DIP2C: variants seen among roughly 807,000 people sequenced by gnomAD.
DIP2C encodes the protein DIP2 acetate--CoA ligase C (putative).
DIP2C carries 33 observed loss-of-function variants against 192.4 expected under a neutral mutation model. The ratio of observed to expected loss-of-function variants is 0.17; its 90% CI spans 0.13 to 0.23. DIP2C has a LOEUF of 0.23. Among genes scored for constraint, DIP2C ranks in the 10% least tolerant of loss-of-function variants. The pLI is 1.00. For missense variants in DIP2C, 1,537 were observed against 2,110.1 expected (o/e 0.73, Z 5.32); for synonymous variants, 979 against 864.1 (o/e 1.13, Z -2.33).
intron 1 of DIP2C, among the ~76,000 whole-genome samples, chr10:548,170 G>A (rs1481143294): frequency 1.4e-5 from 2 of 146,940 alleles, no homozygotes; most frequent in African/African-American, 2.5e-5. Flanking sequence ...AGGATTCCTG[G>A]AAGCACCTTT....
At chr10:465,014 G>A (rs902072172) in intron 3 of DIP2C, among the ~76,000 whole-genome samples, 3 of 149,418 alleles carry the variant, frequency 2.0e-5, no homozygotes, top group East Asian at 2.0e-4. Context: ...AGAAAAAGAG[G>A]GAATCCTCCC....
intron 10 of DIP2C, among the ~76,000 whole-genome samples, chr10:396,191 A>C (rs1695407924): frequency 6.6e-6 from 1 of 152,222 alleles, no homozygotes; most frequent in Non-Finnish European, 1.5e-5. Flanking sequence ...AAGGTACTTA[A>C]TTCATTATTT....
rs145261695 is a variant in DIP2C, at chr10:565,382, AAC to A, written c.86-78854_86-78853del. 1.6e-3 allele frequency among the ~76,000 whole-genome samples: 241 copies of A among 151,402 alleles called. 2 individuals carry two copies. Among genetic ancestry groups the A allele is most frequent in the African/African-American group, 5.1e-3 (210 of 41,056 alleles). ...AAAAAAAAAAAAAAAGACCTAGACA[AAC>A]ACACACAACCCCATAATGCAGAGTC... On this transcript the variant is annotated intron_variant, in intron 1 of 36. Transcript: ENST00000280886.
At position 347,815 on chromosome 10, in the gene DIP2C, A is replaced by G. The variant is rs12781766; in HGVS notation, c.3231+826T>C. 5.4e-4 allele frequency among the ~76,000 whole-genome samples: 71 copies of G among 131,004 alleles called. 1 individual carries two copies. Among genetic ancestry groups the G allele is most frequent in the South Asian group, 7.8e-4 (3 of 3,866 alleles). The allele number at this position is 131,004 out of a possible 152,430, so 85.9% of individuals were successfully genotyped here. A position where few individuals can be genotyped will look rare whatever the true frequency, so the allele number is the denominator to read the frequency against. On this transcript the variant is annotated intron_variant, in intron 26 of 36. Transcript: ENST00000280886. ...CCGGAAACCCCACACTCACCCAGAC[A>G]CATCGCGCATAGCTCTCCTGGAAAC...
At chr10:618,590 G>C (rs946473456) in intron 1 of DIP2C, among the ~76,000 whole-genome samples, 1 of 60,278 alleles carries the variant, frequency 1.7e-5, no homozygotes, top group Non-Finnish European at 6.9e-5. Flanking sequence ...TATGAATTTA[G>C]TCATGACTAC....
intron 17 of DIP2C, among the ~76,000 whole-genome samples, chr10:376,574 T>TTA (rs397732301): frequency 1.1e-4 from 16 of 149,420 alleles, no homozygotes; most frequent in Non-Finnish European, 2.1e-4. Flanking sequence ...TTTTTTTTTT[T>TTA]AAACAGGGCA....
chr10:362,777 A>G, intron 21 of DIP2C, 86 bp from the exon 22 acceptor site: 14 of 1,395,534 alleles, frequency 1.0e-5, no homozygotes, highest in Non-Finnish European at 1.4e-5. Context: ...GATCCACAAT[A>G]CACAGAAGTC....
rs10636550 is a variant in DIP2C at position 532,542 on chromosome 10, T to TGAGAGAGA, written c.86-46013_86-46012insTCTCTCTC. 1.4e-3 allele frequency among the ~76,000 whole-genome samples: 183 copies of TGAGAGAGA among 134,274 alleles called. 15 individuals are homozygous for TGAGAGAGA. The highest frequency in any genetic ancestry group is 5.2e-3 in the African/African-American group (178 of 34,454). The allele number at this position is 134,274 out of a possible 152,430, so 88.1% of individuals were successfully genotyped here. On this transcript the variant is annotated intron_variant, in intron 1 of 36. Coordinates refer to ENST00000280886, the MANE Select transcript of DIP2C (RefSeq NM_014974.3). ...GTGTGGGTGTGTGAGAGAGTATGGG[T>TGAGAGAGA]GTGAGAGAGTATGGGTGAGAGAGAG...
At chr10:633,546 C>T (rs1020641208) in intron 1 of DIP2C, among the ~76,000 whole-genome samples, 6 of 152,224 alleles carry the variant, frequency 3.9e-5, no homozygotes, top group African/African-American at 7.2e-5. Context: ...ATTCCTCTCT[C>T]GGCCCATCCT....
chr10:608,216 C>T (rs1401384895), intron 1 of DIP2C, among the ~76,000 whole-genome samples: 1 of 35,480 alleles, frequency 2.8e-5, no homozygotes, highest in Non-Finnish European at 4.3e-5. Context: ...ACACAGCCCC[C>T]CCACACACAC....
At chr10:361,393 GCT>G (rs1959485361) in intron 22 of DIP2C, among the ~76,000 whole-genome samples, 2 of 152,248 alleles carry the variant, frequency 1.3e-5, no homozygotes, top group African/African-American at 4.8e-5. Flanking sequence ...GCTGCTGGCT[GCT>G]CTCTCTCGCC....
In DIP2C at chr10:285,853, T is replaced by C. The variant is rs1245688646; in HGVS notation, c.4119+420A>G. Among the ~76,000 whole-genome samples, 4 of 152,248 alleles carry C rather than the reference T, an allele frequency of 2.6e-5. No homozygotes were observed. In the East Asian group the frequency reaches 7.7e-4, roughly 29 times the overall value. On this transcript the variant is annotated intron_variant, in intron 34 of 36. Transcript: ENST00000280886. Reference sequence around the variant, plus strand: ...TGCTTTCTGATCTGAAATAAACACATGATCTCTTGGCTACTGTGTCCTGAT... The same window carrying C: ...TGCTTTCTGATCTGAAATAAACACACGATCTCTTGGCTACTGTGTCCTGAT...
intron 17 of DIP2C, among the ~76,000 whole-genome samples, chr10:377,147 T>TG (rs1961702287): frequency 6.6e-6 from 1 of 151,912 alleles, no homozygotes; most frequent in South Asian, 2.1e-4. Flanking sequence ...CGCAGTTTTT[T>TG]TTTTTTTTTT....
At chr10:371,866 T>TAC (rs1961003878) in intron 17 of DIP2C, among the ~76,000 whole-genome samples, 1 of 152,206 alleles carries the variant, frequency 6.6e-6, no homozygotes, top group Non-Finnish European at 1.5e-5. Context: ...CAGTGTGTGG[T>TAC]ACTTTGTTAC....
chr10:634,888 C>A (rs1293892007), intron 1 of DIP2C, among the ~76,000 whole-genome samples: 3 of 152,206 alleles, frequency 2.0e-5, no homozygotes, highest in Non-Finnish European at 4.4e-5. Context: ...AACATTCTGT[C>A]CTCACCGATC....
At chr10:603,327 AAAAAAAC>A (rs1232638546) in intron 1 of DIP2C, among the ~76,000 whole-genome samples, 73 of 136,026 alleles carry the variant, frequency 5.4e-4, no homozygotes, top group African/African-American at 2.0e-3. Context: ...AAAAAAAAAA[AAAAAAAC>A]CAACCATGAG....
intron 13 of DIP2C, among the ~76,000 whole-genome samples, chr10:388,664 G>A (rs1963183564): frequency 6.6e-6 from 1 of 152,208 alleles, no homozygotes; most frequent in Admixed American, 6.5e-5. Flanking sequence ...AAAACTCCAT[G>A]GCCAAACATC....
chr10:562,121 T>A (rs1849251567), intron 1 of DIP2C, among the ~76,000 whole-genome samples: 2 of 152,224 alleles, frequency 1.3e-5, no homozygotes, highest in Non-Finnish European at 2.9e-5. Context: ...AGGCTTTTTG[T>A]TTTGCCTTCT....
At chr10:559,218 A>C (rs888412932) in intron 1 of DIP2C, among the ~76,000 whole-genome samples, 2 of 152,104 alleles carry the variant, frequency 1.3e-5, no homozygotes, top group African/African-American at 4.8e-5. Flanking sequence ...TCACTTTAAT[A>C]ATGAGAGAAG....
Sources: gnomAD v4.1 joint callset for allele counts (sites outside exome capture counted in the v4.1 genomes callset) on GRCh38, gnomAD v4.1.1 for gene constraint, MANE v1.5 for transcripts, NCBI Gene and HGNC (gene_info 2026-07-23, HGNC 2026-07-21) for gene names.